The following THRB variants were observed in gnomAD, a reference collection of about 807,000 sequenced individuals.
THRB encodes thyroid hormone receptor beta.
Under a neutral mutation model 47.8 loss-of-function variants are expected in THRB, and 12 were observed. The observed-to-expected ratio is 0.25, with a 90% CI of 0.16 to 0.41. The LOEUF (loss-of-function observed/expected upper bound fraction) is 0.41. THRB is among the 10% of genes least tolerant of loss of function. THRB has a pLI of 1.00. For synonymous variants in THRB, 218 were observed against 212.2 expected (o/e 1.03, Z -0.24); for missense variants, 348 against 589.2 (o/e 0.59, Z 4.24).
intron 4 of THRB, among the ~76,000 whole-genome samples, chr3:24,196,357 T>TA (rs917886453): frequency 6.6e-6 from 1 of 151,954 alleles, no homozygotes; most frequent in East Asian, 1.9e-4. Flanking sequence ...AAAATAAAAA[T>TA]AAAAAAAGTT....
chr3:24,156,663 A>G (rs2037889335), intron 5 of THRB, among the ~76,000 whole-genome samples: 1 of 152,208 alleles, frequency 6.6e-6, no homozygotes, highest in Admixed American at 6.5e-5. Context: ...TTGTAGAGCT[A>G]TCAACTCAGA....
chr3:24,486,556 G>T (rs1697330853), intron 1 of THRB: 1 of 152,164 alleles, frequency 6.6e-6, no homozygotes, highest in South Asian at 2.1e-4. Flanking sequence ...ATGAATGCAT[G>T]TGCACCACAT....
chr3:24,203,868 C>T (rs142440103), intron 4 of THRB, among the ~76,000 whole-genome samples: 7 of 152,264 alleles, frequency 4.6e-5, no homozygotes, highest in Admixed American at 4.6e-4. Context: ...TATCCCACGC[C>T]TGGCTTGGAG....
chr3:24,238,648 C>T (rs185091806), intron 3 of THRB, among the ~76,000 whole-genome samples: 10 of 152,122 alleles, frequency 6.6e-5, no homozygotes, highest in Admixed American at 6.5e-4. Flanking sequence ...CAATCTTGTC[C>T]CAGGGAGACA....
At chr3:24,431,270 A>T (rs1393662729) in intron 1 of THRB, among the ~76,000 whole-genome samples, 1 of 92,158 alleles carries the variant, frequency 1.1e-5, no homozygotes, top group Non-Finnish European at 2.8e-5. Flanking sequence ...CTACACACAC[A>T]CACACACACA....
chr3:24,465,416 T>C (rs2074054696), intron 1 of THRB, among the ~76,000 whole-genome samples: 2 of 152,190 alleles, frequency 1.3e-5, no homozygotes, highest in African/African-American at 4.8e-5. Flanking sequence ...TTAGAATTAT[T>C]TTTTGAGACT....
At chr3:24,346,204 G>A (rs2063003393) in intron 1 of THRB, among the ~76,000 whole-genome samples, 1 of 151,908 alleles carries the variant, frequency 6.6e-6, no homozygotes, top group South Asian at 2.1e-4. Context: ...ATACAAAAGG[G>A]AGGAGTGGTA....
intron 4 of THRB, among the ~76,000 whole-genome samples, chr3:24,192,856 T>C (rs1209685523): frequency 1.3e-5 from 2 of 152,194 alleles, no homozygotes; most frequent in African/African-American, 2.4e-5. Context: ...TGTAATTACA[T>C]TCGTAATAAT....
chr3:24,466,003 C>A (rs2074123046), intron 1 of THRB, among the ~76,000 whole-genome samples: 1 of 152,058 alleles, frequency 6.6e-6, no homozygotes, highest in Admixed American at 6.5e-5. Context: ...GGAGTCTTTA[C>A]CTCCATGTCC....
At chr3:24,229,161 T>C (rs750058578) in intron 3 of THRB, among the ~76,000 whole-genome samples, 160 bp from the exon 4 acceptor site, 8 of 152,212 alleles carry the variant, frequency 5.3e-5, no homozygotes, top group Non-Finnish European at 1.2e-4. Flanking sequence ...CTATGTGATA[T>C]GTGTAAATTT....
intron 4 of THRB, among the ~76,000 whole-genome samples, chr3:24,212,533 G>A (rs1037956142): frequency 7.7e-6 from 1 of 129,794 alleles, no homozygotes; most frequent in African/African-American, 2.9e-5. Flanking sequence ...AGCTGAGATC[G>A]CACCATTGCA....
At chr3:24,310,367 A>G (rs2057669524) in intron 2 of THRB, among the ~76,000 whole-genome samples, 1 of 152,258 alleles carries the variant, frequency 6.6e-6, no homozygotes, top group Admixed American at 6.5e-5. Flanking sequence ...GGAAAACAGA[A>G]GAGAGAAGAC....
chr3:24,153,216 A>G (rs2037280559), intron 5 of THRB, among the ~76,000 whole-genome samples: 1 of 152,224 alleles, frequency 6.6e-6, no homozygotes, highest in African/African-American at 2.4e-5. Context: ...ATAGCTGGAA[A>G]GGTCCCGGGA....
chr3:24,227,021 TACCTAGA>T (rs1192950583), intron 4 of THRB, among the ~76,000 whole-genome samples: 1 of 152,202 alleles, frequency 6.6e-6, no homozygotes, highest in Non-Finnish European at 1.5e-5. Flanking sequence ...AACTGCACTG[TACCTAGA>T]ACTAATCCCC....
At chr3:24,313,205 A>G (rs114738255) in intron 2 of THRB, among the ~76,000 whole-genome samples, 3,108 of 152,276 alleles carry the variant, frequency 0.02, 100 homozygotes, top group African/African-American at 0.07. Flanking sequence ...AGCTGTCATC[A>G]GGTCCAGTCT....
chr3:24,293,479 A>C (rs2056154516), intron 3 of THRB, among the ~76,000 whole-genome samples: 1 of 152,242 alleles, frequency 6.6e-6, no homozygotes, highest in Non-Finnish European at 1.5e-5. Context: ...AAAGAAAAGA[A>C]GACAATATTG....
chr3:24,271,601 CT>C (rs894502854), intron 3 of THRB, among the ~76,000 whole-genome samples: 21 of 152,208 alleles, frequency 1.4e-4, no homozygotes, highest in African/African-American at 5.1e-4. Context: ...ATACACCCCC[CT>C]GGGCCCTCTT....
intron 1 of THRB, among the ~76,000 whole-genome samples, chr3:24,378,980 C>T (rs540459574): frequency 6.6e-6 from 1 of 152,056 alleles, no homozygotes; most frequent in Non-Finnish European, 1.5e-5. Flanking sequence ...CATTTGAAAG[C>T]ATTTTATAAT....
chr3:24,375,788 A>G (rs189898995), intron 1 of THRB, among the ~76,000 whole-genome samples: 2 of 151,622 alleles, frequency 1.3e-5, no homozygotes, highest in Admixed American at 6.6e-5. Context: ...CTGGAATTTG[A>G]TTTTCTTTTC....
Sources: allele counts gnomAD v4.1 joint callset (sites outside exome capture counted in the v4.1 genomes callset), GRCh38; gene constraint gnomAD v4.1.1; transcripts MANE v1.5; gene names NCBI Gene and HGNC (gene_info 2026-07-23, HGNC 2026-07-21).